The following MAX variants were observed in gnomAD, a reference collection of about 807,000 sequenced individuals.
The protein encoded by MAX is protein max.
Under a neutral mutation model 22.3 loss-of-function variants are expected in MAX, and 3 were observed. The observed-to-expected ratio is 0.13, with a 90% CI of 0.06 to 0.35. The LOEUF (loss-of-function observed/expected upper bound fraction) is 0.35. Ranked by LOEUF, MAX falls within the 10% of genes least tolerant of loss-of-function variation. The pLI is 1.00. For synonymous variants in MAX, 72 were observed against 77.7 expected (o/e 0.93, Z 0.39); for missense variants, 119 against 209.4 (o/e 0.57, Z 2.66).
chr14:65,079,034 T>C lies in MAX; in HGVS notation c.172-998A>G, dbSNP rs141807100. 7.0e-4 allele frequency among the ~76,000 whole-genome samples: 106 copies of C among 152,348 alleles called. 1 individual carries two copies. Among genetic ancestry groups the C allele is most frequent in the African/African-American group, 2.5e-3 (104 of 41,582 alleles). On this transcript the variant is annotated intron_variant, in intron 3 of 4. Coordinates refer to ENST00000358664, the MANE Select transcript of MAX (RefSeq NM_002382.5). The surrounding 1 kb of genome is among the most constrained non-coding windows in gnomAD (Gnocchi z 4.5). Reference sequence around the variant, plus strand: ...CTGTACTCCTCCCATCTCCTCTGGTTCTTTAGGTTGCTTTAAAGTCTTTAG... The same window carrying C: ...CTGTACTCCTCCCATCTCCTCTGGTCCTTTAGGTTGCTTTAAAGTCTTTAG...
intron 3 of MAX, among the ~76,000 whole-genome samples, chr14:65,066,558 A>G (rs1003025768): frequency 1.3e-5 from 2 of 152,142 alleles, no homozygotes; most frequent in South Asian, 2.1e-4. Context: ...CAAAATAACA[A>G]TAAGAAAAAT....
chr14:65,037,403 C>A (rs8008181), intron 3 of MAX, among the ~76,000 whole-genome samples: 1 of 29,646 alleles, frequency 3.4e-5, no homozygotes, highest in Non-Finnish European at 7.3e-5. Flanking sequence ...ACGCCGGGCC[C>A]TTTTTTTTTT....
chr14:65,044,759 G>A lies in MAX; in HGVS notation c.172-38475C>T, dbSNP rs527344173. 2 of 326,104 alleles carry A rather than the reference G, an allele frequency of 6.1e-6. No homozygotes were observed. The highest frequency in any genetic ancestry group is 2.2e-5 in the African/African-American group (1 of 45,440). 20.2% of individuals were successfully genotyped at this position (326,104 alleles called of 1,614,324 possible). A position where few individuals can be genotyped will look rare whatever the true frequency, so the allele number is the denominator to read the frequency against. Reference sequence around the variant, plus strand: ...GAAGGAGCAGCCCACTCCTGTCCTGGGCTCTGTGGTGATTGCCACCTCCTC... The same window carrying A: ...GAAGGAGCAGCCCACTCCTGTCCTGAGCTCTGTGGTGATTGCCACCTCCTC... On this transcript the variant is annotated intron_variant, in intron 3 of 3. Coordinates refer to the MAX transcript ENST00000341653. The surrounding 1 kb of genome is among the most constrained non-coding windows in gnomAD (Gnocchi z 5.5).
At chr14:65,100,081 CCAAA>C (rs1363535746) in intron 2 of MAX, among the ~76,000 whole-genome samples, 1 of 152,088 alleles carries the variant, frequency 6.6e-6, no homozygotes, top group Non-Finnish European at 1.5e-5. Flanking sequence ...TAACAAGCCC[CCAAA>C]CAGTTGTTCC....
At position 65,031,600 on chromosome 14, in the gene MAX, G is replaced by A. The variant is rs1170456356; in HGVS notation, c.172-25316C>T. Among the ~76,000 whole-genome samples the A allele has an allele frequency of 6.6e-6, 1 of 152,014 alleles. No individual in the cohort carries two copies. The highest frequency in any genetic ancestry group is 2.4e-5 in the African/African-American group (1 of 41,424). On this transcript the variant is annotated intron_variant, in intron 3 of 3. Coordinates refer to the MAX transcript ENST00000341653. This position sits in a 1 kb window ranked among gnomAD's most constrained non-coding sequence, Gnocchi z 4.6. ...CAAAGTGCTGGGATTACAGGCATGAGCAACTGTGCCCAGCCTAATAATGCT... is the reference window on the plus strand; with the variant it reads ...CAAAGTGCTGGGATTACAGGCATGAACAACTGTGCCCAGCCTAATAATGCT...
intron 3 of MAX, among the ~76,000 whole-genome samples, chr14:65,049,855 G>C (rs2062567519): frequency 6.6e-6 from 1 of 151,930 alleles, no homozygotes; most frequent in Admixed American, 6.6e-5. Context: ...GAACCATCAT[G>C]ACAATTTTAG....
chr14:65,041,841 A>G (rs961067687), intron 3 of MAX, among the ~76,000 whole-genome samples: 1 of 152,280 alleles, frequency 6.6e-6, no homozygotes. Flanking sequence ...GAACACCAAT[A>G]AGGCATGAAA....
chr14:65,055,652 G>A (rs1442476042), intron 3 of MAX, among the ~76,000 whole-genome samples: 1 of 151,968 alleles, frequency 6.6e-6, no homozygotes, highest in Non-Finnish European at 1.5e-5. Context: ...GAGTAGCTGG[G>A]ATTACAGGCA....
chr14:65,069,435 C>A lies in MAX; in HGVS notation c.171+24273G>T, dbSNP rs139959450. On this transcript the variant is annotated intron_variant, in intron 3 of 3. Coordinates refer to the MAX transcript ENST00000341653. This position sits in a 1 kb window ranked among gnomAD's most constrained non-coding sequence, Gnocchi z 4.6. ...ACTCCTCTGGCATTCAGAGCCCAGA[C>A]GTGCATTTGTGCTAAATGCCTAACC... 6.6e-6 allele frequency among the ~76,000 whole-genome samples: 1 copy of A among 152,224 alleles called. No individual in the cohort carries two copies. Among genetic ancestry groups the A allele is most frequent in the African/African-American group, 2.4e-5 (1 of 41,458 alleles).
At chr14:65,081,516 G>GA (rs2063199479) in intron 3 of MAX, among the ~76,000 whole-genome samples, 1 of 152,124 alleles carries the variant, frequency 6.6e-6, no homozygotes, top group Admixed American at 6.5e-5. Flanking sequence ...AAACCAGCAA[G>GA]AAACCCTGGG....
At chr14:65,092,808 C>T (rs2139872489) in intron 3 of MAX, among the ~76,000 whole-genome samples, 1 of 152,314 alleles carries the variant, frequency 6.6e-6, no homozygotes, top group African/African-American at 2.4e-5. Context: ...AGGACCCCCA[C>T]CACAGAACTA....
chr14:65,055,585 T>C (rs1227217452), intron 3 of MAX, among the ~76,000 whole-genome samples: 1 of 152,070 alleles, frequency 6.6e-6, no homozygotes, highest in Non-Finnish European at 1.5e-5. Flanking sequence ...GGCATGATAT[T>C]GGCTCACTGC....
chr14:65,032,781 G>C lies in MAX; in HGVS notation c.172-26497C>G. ...CAGAAAAATAAAGAAAATGCAGAGG[G>C]ACTTGGAAGGAAATACAAAAATCAC... is the stretch of plus-strand genomic sequence containing the variant. On this transcript the variant is annotated intron_variant, in intron 3 of 3. Transcript: ENST00000341653. The surrounding 1 kb of genome is among the most constrained non-coding windows in gnomAD (Gnocchi z 5.0). 7.6e-7 allele frequency: 1 copy of C among 1,317,076 alleles called. No homozygotes were observed. The highest frequency in any genetic ancestry group is 2.6e-5 in the Admixed American group (1 of 38,790). 81.6% of individuals were successfully genotyped at this position (1,317,076 alleles called of 1,614,324 possible).
rs781704266 is a variant in MAX at position 65,030,275 on chromosome 14, T to C, written c.172-23991A>G. Among the ~76,000 whole-genome samples the C allele has an allele frequency of 2.6e-5, 4 of 152,222 alleles. No individual in the cohort carries two copies. The highest frequency in any genetic ancestry group is 4.8e-5 in the African/African-American group (2 of 41,464). ...GCTGGTAGATGATCACATTTGGCAT[T>C]GGCACTTGTGACTCTTGTGTGCTCC... On this transcript the variant is annotated intron_variant, in intron 3 of 3. Transcript: ENST00000341653. The surrounding 1 kb of genome is among the most constrained non-coding windows in gnomAD (Gnocchi z 4.5).
intron 3 of MAX, among the ~76,000 whole-genome samples, chr14:65,081,644 C>T (rs988405322): frequency 6.6e-6 from 1 of 152,170 alleles, no homozygotes; most frequent in African/African-American, 2.4e-5. Context: ...TCAGATAGAA[C>T]TTGGTAAGTC....
chr14:65,042,016 A>G (rs1236651388), intron 3 of MAX, among the ~76,000 whole-genome samples: 1 of 152,108 alleles, frequency 6.6e-6, no homozygotes, highest in East Asian at 1.9e-4. Context: ...TTCTTTTATA[A>G]GGTAGGGATA....
Position 65,007,304 on chromosome 14 carries a change from C to T in MAX, c.172-1020G>A, listed in dbSNP as rs969938667. Among the ~76,000 whole-genome samples the T allele has an allele frequency of 6.6e-6, 1 of 152,218 alleles. No individual in the cohort carries two copies. On this transcript the variant is annotated intron_variant, in intron 3 of 3. Transcript: ENST00000341653. The surrounding 1 kb of genome is among the most constrained non-coding windows in gnomAD (Gnocchi z 4.9). ...ACACTTTAATACAGGAAGTAACCTT[C>T]ACTGTTAGCTGAAGTGCATGGTTAG...
intron 3 of MAX, chr14:65,053,442 C>T: frequency 9.1e-7 from 1 of 1,095,990 alleles, no homozygotes; most frequent in Admixed American, 4.2e-5. Flanking sequence ...ATCTCAAGAG[C>T]AGAGGTGTCA....
chr14:65,052,919 T>C (rs2062647251), intron 3 of MAX, among the ~76,000 whole-genome samples: 1 of 152,188 alleles, frequency 6.6e-6, no homozygotes, highest in Non-Finnish European at 1.5e-5. Context: ...GAGGTCAGTC[T>C]GGGAAGGTAA....
Sources: gnomAD v4.1 joint callset for allele counts (sites outside exome capture counted in the v4.1 genomes callset) on GRCh38, gnomAD v4.1.1 for gene constraint, Gnocchi (gnomAD v3.1) non-coding constraint, MANE v1.5 for transcripts, NCBI Gene and HGNC (gene_info 2026-07-23, HGNC 2026-07-21) for gene names.